Variants in MAGI1 observed in about 807,000 individuals in gnomAD.
The protein encoded by MAGI1 is membrane associated guanylate kinase, WW and PDZ domain containing 1.
MAGI1 carries 58 observed loss-of-function variants against 139.9 expected under a neutral mutation model. The ratio of observed to expected loss-of-function variants is 0.41; its 90% confidence interval spans 0.34 to 0.52. The LOEUF (loss-of-function observed/expected upper bound fraction) is 0.52, where lower values mean the gene tolerates loss of function less well. Ranked by LOEUF, MAGI1 falls within the 20% of genes least tolerant of loss-of-function variation. MAGI1 has a pLI of 0.12. For missense variants in MAGI1, 1,874 were observed against 1,901.6 expected (o/e 0.99, Z 0.27); for synonymous variants, 812 against 737.9 (o/e 1.10, Z -1.63).
intron 1 of MAGI1, among the ~76,000 whole-genome samples, chr3:65,789,456 C>G (rs762668096): frequency 2.4e-4 from 36 of 152,192 alleles, no homozygotes; most frequent in Non-Finnish European, 3.8e-4. Context: ...GGACAAGGAA[C>G]ATTTTGCTTG....
At chr3:65,671,385 G>A (rs920957025) in intron 1 of MAGI1, among the ~76,000 whole-genome samples, 1 of 152,192 alleles carries the variant, frequency 6.6e-6, no homozygotes, top group Admixed American at 6.5e-5. Context: ...AGGAGCAATC[G>A]ACATTTGTGA....
At chr3:65,607,726 T>G (rs2082820816) in intron 2 of MAGI1, among the ~76,000 whole-genome samples, 1 of 152,202 alleles carries the variant, frequency 6.6e-6, no homozygotes, top group Non-Finnish European at 1.5e-5. Context: ...TCACTTCTGG[T>G]CCTCATTTGT....
At position 65,841,869 on chromosome 3, in the gene MAGI1, C is replaced by G. The variant is rs574475397; in HGVS notation, c.313+196127G>C. On this transcript the variant is annotated intron_variant, in intron 1 of 22. Coordinates refer to ENST00000402939, the MANE Select transcript of MAGI1 (RefSeq NM_001033057.2). Reference sequence around the variant, plus strand: ...TCCCGAAATTTAGAGAATAAAAAACCATATTACAACTGGTTTGAAATGAGC... The same window carrying G: ...TCCCGAAATTTAGAGAATAAAAAACGATATTACAACTGGTTTGAAATGAGC... Among the ~76,000 whole-genome samples the G allele has an allele frequency of 1.1e-4, 17 of 152,154 alleles. No individual in the cohort carries two copies. The South Asian group carries it at 3.3e-3, about 30-fold the overall frequency.
At chr3:65,868,882 T>C (rs564357112) in intron 1 of MAGI1, among the ~76,000 whole-genome samples, 56 of 152,264 alleles carry the variant, frequency 3.7e-4, no homozygotes, top group African/African-American at 1.3e-3. Flanking sequence ...CCCCATGTAA[T>C]ACTACCACCT....
At position 65,466,651 on chromosome 3, in the gene MAGI1, C is replaced by G. The variant is rs115674605; in HGVS notation, c.959+3632G>C. Among the ~76,000 whole-genome samples, 712 of 152,290 alleles carry G rather than the reference C, an allele frequency of 4.7e-3. 4 individuals are homozygous for G. The highest frequency in any genetic ancestry group is 0.016 in the African/African-American group (676 of 41,558). ...GTAAAAATCCTGATTCTCCTCTAAA[C>G]CTCCTCTGACACCACACCAGTGGGG... On this transcript the variant is annotated intron_variant, in intron 5 of 22. Coordinates refer to ENST00000402939, the MANE Select transcript of MAGI1 (RefSeq NM_001033057.2).
At chr3:66,020,484 C>T (rs2107548008) in intron 1 of MAGI1, among the ~76,000 whole-genome samples, 1 of 152,258 alleles carries the variant, frequency 6.6e-6, no homozygotes, top group Middle Eastern at 3.4e-3. Context: ...AACAGCAGCT[C>T]TGAGAGAATC....
In MAGI1 at chr3:65,375,872, C is replaced by T. The variant is rs1942472087; in HGVS notation, c.3069G>A (p.Lys1023=). 1 of 1,614,052 alleles carries T rather than the reference C, an allele frequency of 6.2e-7. No individual in the cohort carries two copies. The highest frequency in any genetic ancestry group is 1.3e-5 in the African/African-American group (1 of 74,920). The change falls in exon 18 of 23, where the codon AAG becomes AAA. Residue 1023 remains lysine (K), a synonymous_variant. Transcript: ENST00000402939. ...IEGSPADRCG[K]LKVGDRILAV... ...CCAAGATCCGGTCTCCTACTTTCAG[C>T]TTGCCACAGCGGTCAGCAGGGCTCC...
At chr3:65,790,225 C>A (rs1165526482) in intron 1 of MAGI1, among the ~76,000 whole-genome samples, 10 of 152,192 alleles carry the variant, frequency 6.6e-5, no homozygotes, top group African/African-American at 2.2e-4. Context: ...TTAAAAAGAA[C>A]TATAAGACCA....
chr3:65,415,819 T>C (rs901432696), intron 12 of MAGI1, among the ~76,000 whole-genome samples: 5 of 152,154 alleles, frequency 3.3e-5, no homozygotes, highest in Admixed American at 2.6e-4. Flanking sequence ...TTGTTAAAAC[T>C]GGGGAGACGG....
chr3:65,360,145 G>C (rs1940666775), intron 22 of MAGI1: 1 of 985,138 alleles, frequency 1.0e-6, no homozygotes, highest in Non-Finnish European at 1.2e-6. Flanking sequence ...CCTTCTCCTT[G>C]AGCTGCATCT....
At chr3:65,447,145 C>T (rs2107463989) in intron 7 of MAGI1, among the ~76,000 whole-genome samples, 1 of 152,270 alleles carries the variant, frequency 6.6e-6, no homozygotes, top group Admixed American at 6.5e-5. Flanking sequence ...TCTTCAATTG[C>T]TAAAGAATCT....
chr3:65,966,537 G>A lies in MAGI1; in HGVS notation c.313+71459C>T, dbSNP rs142497126. Among the ~76,000 whole-genome samples, 74 of 152,104 alleles carry A rather than the reference G, an allele frequency of 4.9e-4. 1 individual carries two copies. Among genetic ancestry groups the A allele is most frequent in the African/African-American group, 1.8e-3 (74 of 41,500 alleles). On this transcript the variant is annotated intron_variant, in intron 1 of 22. Coordinates refer to ENST00000402939, the MANE Select transcript of MAGI1 (RefSeq NM_001033057.2). ...GGAGGCCAGGGCAGGAGGATTGCTT[G>A]AGCCTAGAAGTTCGAGGTCGCAGTG...
In MAGI1 at chr3:65,381,421, G is replaced by GA. The variant is rs1306017841; in HGVS notation, c.2701+455dup. ...CAGCTCTACAACTTTCTTGTAGAAAGAAAAAAAAAAAATCTTGGTTTAATA... is the reference window on the plus strand; with the variant it reads ...CAGCTCTACAACTTTCTTGTAGAAAGAAAAAAAAAAAAATCTTGGTTTAATA... On this transcript the variant is annotated intron_variant, in intron 16 of 22. Coordinates refer to ENST00000402939, the MANE Select transcript of MAGI1 (RefSeq NM_001033057.2). Among the ~76,000 whole-genome samples the GA allele has an allele frequency of 2.2e-3, 316 of 143,258 alleles. 3 individuals carry two copies. The highest frequency in any genetic ancestry group is 7.1e-3 in the African/African-American group (277 of 39,086). 94.0% of individuals were successfully genotyped at this position (143,258 alleles called of 152,430 possible). A position where few individuals can be genotyped will look rare whatever the true frequency, so the allele number is the denominator to read the frequency against.
At position 65,530,657 on chromosome 3, in the gene MAGI1, GTGTGTA is replaced by G. The variant is rs1429757637; in HGVS notation, c.431-37032_431-37027del. ...TGTGTGTGTGTGTGTGTGTGTGTGT[GTGTGTA>G]TATATATATACATATATATATACGT... On this transcript the variant is annotated intron_variant, in intron 2 of 22. Coordinates refer to ENST00000402939, the MANE Select transcript of MAGI1 (RefSeq NM_001033057.2). Among the ~76,000 whole-genome samples, 160 of 67,170 alleles carry G rather than the reference GTGTGTA, an allele frequency of 2.4e-3. 3 individuals carry two copies. Among genetic ancestry groups the G allele is most frequent in the African/African-American group, 3.7e-3 (68 of 18,384 alleles). The allele number at this position is 67,170 out of a possible 152,430, so 44.1% of individuals were successfully genotyped here.
At chr3:65,595,018 A>T (rs2082121280) in intron 2 of MAGI1, among the ~76,000 whole-genome samples, 1 of 152,210 alleles carries the variant, frequency 6.6e-6, no homozygotes, top group Non-Finnish European at 1.5e-5. Context: ...ATTACGCAGC[A>T]CAGGGTCAAA....
rs186998421 is a variant in MAGI1 at position 65,748,664 on chromosome 3, G to T, written c.314-126576C>A. Reference sequence around the variant, plus strand: ...CAAGGAGCTGGTGACCAAGTTGTAGGAAGAGATTTAAAAAACAGGCCACAT... The same window carrying T: ...CAAGGAGCTGGTGACCAAGTTGTAGTAAGAGATTTAAAAAACAGGCCACAT... On this transcript the variant is annotated intron_variant, in intron 1 of 22. Coordinates refer to ENST00000402939, the MANE Select transcript of MAGI1 (RefSeq NM_001033057.2). 3.8e-3 allele frequency among the ~76,000 whole-genome samples: 572 copies of T among 152,238 alleles called. 2 individuals are homozygous for T. Among genetic ancestry groups the T allele is most frequent in the African/African-American group, 0.012 (494 of 41,544 alleles).
intron 1 of MAGI1, among the ~76,000 whole-genome samples, chr3:65,956,145 A>G (rs115529404): frequency 0.078 from 11,869 of 152,252 alleles, 611 homozygotes; most frequent in Middle Eastern, 0.13. Flanking sequence ...TGTTTCCCCT[A>G]AAAATAGATA....
chr3:65,425,343 G>A (rs1946961050), intron 12 of MAGI1, among the ~76,000 whole-genome samples: 1 of 151,988 alleles, frequency 6.6e-6, no homozygotes, highest in African/African-American at 2.4e-5. Flanking sequence ...TAAGCTCAGA[G>A]AAGGCAAGTG....
At chr3:65,947,667 A>C (rs536514023) in intron 1 of MAGI1, among the ~76,000 whole-genome samples, 29 of 152,234 alleles carry the variant, frequency 1.9e-4, no homozygotes, top group African/African-American at 6.5e-4. Flanking sequence ...CCCAGACTGG[A>C]GTACAGAAGT....
Sources: allele counts gnomAD v4.1 joint callset (sites outside exome capture counted in the v4.1 genomes callset), GRCh38; gene constraint gnomAD v4.1.1; transcripts MANE v1.5; gene names NCBI Gene and HGNC (gene_info 2026-07-23, HGNC 2026-07-21).